CSMD3: variants seen among roughly 807,000 people sequenced by gnomAD.
CSMD3 encodes CUB and sushi domain-containing protein 3.
A neutral mutation model predicts 435.2 loss-of-function variants in CSMD3; 177 were observed. The observed-to-expected ratio is 0.41, with a 90% CI of 0.36 to 0.46. The LOEUF (loss-of-function observed/expected upper bound fraction) is 0.46. Among genes scored for constraint, CSMD3 ranks in the 20% least tolerant of loss-of-function variants. The pLI, the probability that CSMD3 is intolerant of heterozygous loss-of-function variation, is 0.34. For missense variants in CSMD3, 4,265 were observed against 4,504.6 expected (o/e 0.95, Z 1.52); for synonymous variants, 1,656 against 1,520.5 (o/e 1.09, Z -2.07).
chr8:112,769,340 C>T (rs1481532142), intron 13 of CSMD3, among the ~76,000 whole-genome samples: 1 of 151,936 alleles, frequency 6.6e-6, no homozygotes, highest in Non-Finnish European at 1.5e-5. Flanking sequence ...TACAGGGATG[C>T]TCCTATCTTT....
intron 1 of CSMD3, among the ~76,000 whole-genome samples, chr8:113,393,194 T>G (rs977049135): frequency 6.6e-6 from 1 of 151,944 alleles, no homozygotes; most frequent in African/African-American, 2.4e-5. Flanking sequence ...CACCATAAAA[T>G]ATAAAGAGAA....
chr8:112,771,919 C>T (rs920814927), intron 13 of CSMD3, among the ~76,000 whole-genome samples: 6 of 152,062 alleles, frequency 3.9e-5, no homozygotes, highest in Non-Finnish European at 8.8e-5. Flanking sequence ...AATTTTCCCC[C>T]TGAAAGCAAC....
chr8:112,926,825 A>T (rs1389200688), intron 9 of CSMD3, among the ~76,000 whole-genome samples: 1 of 152,098 alleles, frequency 6.6e-6, no homozygotes, highest in Non-Finnish European at 1.5e-5. Context: ...TGACAGCATT[A>T]CATCAAGAGT....
intron 13 of CSMD3, among the ~76,000 whole-genome samples, chr8:112,759,658 A>T (rs1393433922): frequency 6.6e-6 from 1 of 152,142 alleles, no homozygotes; most frequent in Non-Finnish European, 1.5e-5. Flanking sequence ...TATTTGATTA[A>T]TGTATCAAGT....
intron 9 of CSMD3, among the ~76,000 whole-genome samples, chr8:112,929,522 T>C (rs62514563): frequency 0.064 from 9,671 of 152,204 alleles, 438 homozygotes; most frequent in Non-Finnish European, 0.095. Flanking sequence ...ATGATGTTTT[T>C]ATTCTGCTTT....
chr8:112,503,911 C>T lies in CSMD3; in HGVS notation c.4962G>A (p.Leu1654=), dbSNP rs371035609. 2.5e-6 allele frequency: 4 copies of T among 1,612,280 alleles called. No individual in the cohort carries two copies. Among genetic ancestry groups the T allele is most frequent in the Non-Finnish European group, 3.4e-6 (4 of 1,178,974 alleles). The change falls in exon 30 of 71, where the codon CTG becomes CTA. Residue 1654 remains leucine (L), a synonymous_variant. Coordinates refer to ENST00000297405, the MANE Select transcript of CSMD3 (RefSeq NM_198123.2). ...IYDGPDSNSP[L]IGSFQDSKLP... is the part of the protein sequence containing the mutation. ...ACTTGCTGTCTTGAAAACTTCCAATCAGTGGGCTATTACTGTCTGGTCCAT... is the reference window on the plus strand; with the variant it reads ...ACTTGCTGTCTTGAAAACTTCCAATTAGTGGGCTATTACTGTCTGGTCCAT...
intron 7 of CSMD3, among the ~76,000 whole-genome samples, chr8:112,958,039 G>A (rs1162469546): frequency 2.0e-5 from 3 of 152,154 alleles, no homozygotes; most frequent in Non-Finnish European, 4.4e-5. Flanking sequence ...GTGTATGAAT[G>A]AATATATATA....
chr8:113,257,748 T>C (rs1037356209), intron 3 of CSMD3, among the ~76,000 whole-genome samples: 1 of 152,210 alleles, frequency 6.6e-6, no homozygotes, highest in African/African-American at 2.4e-5. Flanking sequence ...ATCCAGCCAT[T>C]CTACTGTGGC....
chr8:112,936,789 C>T (rs1007632556), intron 9 of CSMD3, among the ~76,000 whole-genome samples: 1 of 152,002 alleles, frequency 6.6e-6, no homozygotes, highest in Non-Finnish European at 1.5e-5. Context: ...CACTACCCAG[C>T]CAGAAATAAT....
intron 20 of CSMD3, among the ~76,000 whole-genome samples, chr8:112,640,440 G>A (rs1198916422): frequency 6.6e-6 from 1 of 151,750 alleles, no homozygotes. Flanking sequence ...AAAAAAAGGG[G>A]ACAGAAAATG....
chr8:112,787,967 C>A (rs1299201134), intron 13 of CSMD3, among the ~76,000 whole-genome samples: 2 of 152,010 alleles, frequency 1.3e-5, no homozygotes, highest in South Asian at 4.2e-4. Context: ...TTTGTTAACA[C>A]AAAGAAATGA....
chr8:112,573,484 T>C lies in CSMD3; in HGVS notation c.4042+17A>G, dbSNP rs1829696440. ...GCACCCCAGTGTTTGGCCATTTTACTCTTCTAAAATACTTACTGGTATACA... is the reference window on the plus strand; with the variant it reads ...GCACCCCAGTGTTTGGCCATTTTACCCTTCTAAAATACTTACTGGTATACA... On this transcript the variant is annotated intron_variant, in intron 24 of 70. Coordinates refer to ENST00000297405, the MANE Select transcript of CSMD3 (RefSeq NM_198123.2). 1 of 1,605,616 alleles carries C rather than the reference T, an allele frequency of 6.2e-7. No homozygotes were observed.
chr8:112,310,612 G>A, intron 50 of CSMD3: 1 of 320,894 alleles, frequency 3.1e-6, no homozygotes. Context: ...AGTCTTCAGT[G>A]TACTTGCCCA....
At chr8:112,503,519 T>G (rs1293674934) in intron 30 of CSMD3, among the ~76,000 whole-genome samples, 1 of 152,214 alleles carries the variant, frequency 6.6e-6, no homozygotes, top group African/African-American at 2.4e-5. Context: ...TTTTTAATGT[T>G]GTGTGGCTCC....
At chr8:112,464,236 T>TTAAAAAAAAAAAA (rs1817729945) in intron 32 of CSMD3, among the ~76,000 whole-genome samples, 1 of 117,940 alleles carries the variant, frequency 8.5e-6, no homozygotes, top group African/African-American at 3.7e-5. Flanking sequence ...AGACTCTGTT[T>TTAAAAAAAAAAAA]CAAAAAAAAA....
chr8:112,732,341 T>A (rs964038055), intron 13 of CSMD3, among the ~76,000 whole-genome samples: 2 of 152,112 alleles, frequency 1.3e-5, no homozygotes, highest in Non-Finnish European at 2.9e-5. Context: ...TGCTTATTTG[T>A]TAAAATGGGT....
chr8:112,652,091 T>C (rs1284870472), intron 18 of CSMD3, among the ~76,000 whole-genome samples: 1 of 152,178 alleles, frequency 6.6e-6, no homozygotes, highest in African/African-American at 2.4e-5. Context: ...TTTCATTGCT[T>C]TAATACCCTA....
In CSMD3 at chr8:112,986,637, C is replaced by G. The variant is rs370713410; in HGVS notation, c.1031-10489G>C. 2.0e-5 allele frequency among the ~76,000 whole-genome samples: 3 copies of G among 152,094 alleles called. No individual in the cohort carries two copies. The South Asian group carries it at 6.2e-4, about 32-fold the overall frequency. ...ATGTTCTATACTTGAGGAAAAAATT[C>G]ATATTGAGAATTAAATCCATAGATT... On this transcript the variant is annotated intron_variant, in intron 6 of 70. Coordinates refer to ENST00000297405, the MANE Select transcript of CSMD3 (RefSeq NM_198123.2).
rs4027872 is a variant in CSMD3, at chr8:113,296,291, T to TATAATAATAATAATAATAATA, written c.402-17608_402-17588dup. Among the ~76,000 whole-genome samples, 10 of 146,268 alleles carry TATAATAATAATAATAATAATA rather than the reference T, an allele frequency of 6.8e-5. No homozygotes were observed. The East Asian group carries it at 1.0e-3, about 15-fold the overall frequency. ...TGCACATGTACCCTAGAACTTAAAG[T>TATAATAATAATAATAATAATA]ATAATAATAATAATAATAATAATAA... On this transcript the variant is annotated intron_variant, in intron 2 of 70. Coordinates refer to ENST00000297405, the MANE Select transcript of CSMD3 (RefSeq NM_198123.2).
Sources: allele counts gnomAD v4.1 joint callset (sites outside exome capture counted in the v4.1 genomes callset), GRCh38; gene constraint gnomAD v4.1.1; transcripts MANE v1.5; gene names NCBI Gene and HGNC (gene_info 2026-07-23, HGNC 2026-07-21).